The following PLCL1 variants were observed in gnomAD, a reference collection of about 807,000 sequenced individuals.
PLCL1 encodes the protein phospholipase C like 1 (inactive), also known as inactive phospholipase C-like protein 1.
In PLCL1, 41 loss-of-function variants were observed where a neutral mutation model predicts 84.4. The observed-to-expected ratio is 0.49, with a 90% confidence interval of 0.38 to 0.63. The LOEUF is 0.63. Among genes scored for constraint, PLCL1 ranks in the 30% least tolerant of loss-of-function variants. PLCL1 has a pLI of 0.00. For missense variants in PLCL1, 1,206 were observed against 1,367.8 expected (o/e 0.88, Z 1.87); for synonymous variants, 490 against 488.3 (o/e 1.00, Z -0.05).
rs1039497494 is a variant in PLCL1, at chr2:198,081,010, T to A, written c.241-2748T>A. Among the ~76,000 whole-genome samples, 7 of 152,322 alleles carry A rather than the reference T, an allele frequency of 4.6e-5. 1 individual carries two copies. In the East Asian group the frequency reaches 1.3e-3, roughly 29 times the overall value. On this transcript the variant is annotated intron_variant, in intron 1 of 5. Transcript: ENST00000428675. ...GGAGATATGGCAGAGAAGAGCCTTG[T>A]AAGAGAAAGCTATTCTGACATGAGT...
chr2:198,103,957 T>A, intron 5 of PLCL1, 21 bp downstream of exon 5: 2 of 1,225,842 alleles, frequency 1.6e-6, no homozygotes, highest in South Asian at 1.3e-5. Flanking sequence ...CACTCAGATG[T>A]CCCCTGTGCC....
intron 1 of PLCL1, among the ~76,000 whole-genome samples, chr2:198,010,179 C>G (rs1422109107): frequency 6.6e-6 from 1 of 151,928 alleles, no homozygotes; most frequent in Non-Finnish European, 1.5e-5. Context: ...TCTAATTGCT[C>G]TGGTAAGAAC....
intron 1 of PLCL1, among the ~76,000 whole-genome samples, chr2:197,885,664 C>T (rs1374455940): frequency 1.3e-5 from 2 of 152,234 alleles, no homozygotes; most frequent in Non-Finnish European, 2.9e-5. Flanking sequence ...TCAGCTCAAA[C>T]ATTTTTCCCT....
intron 1 of PLCL1, among the ~76,000 whole-genome samples, chr2:198,066,360 C>G (rs965194570): frequency 4.6e-5 from 7 of 152,146 alleles, no homozygotes; most frequent in Admixed American, 2.6e-4. Flanking sequence ...ATAGACTTCT[C>G]TGTTTCTACA....
At chr2:197,978,108 C>T (rs189248408) in intron 1 of PLCL1, among the ~76,000 whole-genome samples, 10 of 152,282 alleles carry the variant, frequency 6.6e-5, no homozygotes, top group South Asian at 4.1e-4. Flanking sequence ...AGAGTAAATC[C>T]GCACTTTGTT....
rs764824982 is a variant in PLCL1, at chr2:198,146,827, C to T, written c.3153C>T (p.Asn1051=). 12 of 1,613,274 alleles carry T rather than the reference C, an allele frequency of 7.4e-6. No homozygotes were observed. Among genetic ancestry groups the T allele is most frequent in the African/African-American group, 1.3e-5 (1 of 74,868 alleles). The change falls in exon 6 of 6, where the codon AAC becomes AAT. Residue 1051 remains asparagine (N), a synonymous_variant. Transcript: ENST00000428675. ...ATGCCAAGAATGAAGCTATAGAAAACATGAAGCAGATCCAGCTGGCATGCC... is the reference window on the plus strand; with the variant it reads ...ATGCCAAGAATGAAGCTATAGAAAATATGAAGCAGATCCAGCTGGCATGCC... ...LKNAKNEAIE[N]MKQIQLACLS...
intron 1 of PLCL1, among the ~76,000 whole-genome samples, chr2:197,956,699 G>T (rs1025560948): frequency 6.6e-6 from 1 of 151,924 alleles, no homozygotes; most frequent in African/African-American, 2.4e-5. Context: ...TCATATGTTT[G>T]TTGGCCATAT....
chr2:198,054,033 C>T (rs902083617), intron 1 of PLCL1, among the ~76,000 whole-genome samples: 6 of 152,054 alleles, frequency 3.9e-5, no homozygotes, highest in African/African-American at 1.4e-4. Context: ...ACACTTATGT[C>T]AGATAAAAAT....
At chr2:197,992,948 T>A (rs1449960442) in intron 1 of PLCL1, among the ~76,000 whole-genome samples, 1 of 152,246 alleles carries the variant, frequency 6.6e-6, no homozygotes, top group Non-Finnish European at 1.5e-5. Flanking sequence ...TTTTAGCTGT[T>A]ACTAATAATG....
At chr2:197,821,671 C>T (rs927914029) in intron 1 of PLCL1, among the ~76,000 whole-genome samples, 1 of 152,134 alleles carries the variant, frequency 6.6e-6, no homozygotes, top group African/African-American at 2.4e-5. Context: ...ATAAGTTTCA[C>T]ATGCCACTTC....
chr2:197,864,104 G>T (rs1268679097), intron 1 of PLCL1, among the ~76,000 whole-genome samples: 1 of 152,136 alleles, frequency 6.6e-6, no homozygotes, highest in Non-Finnish European at 1.5e-5. Flanking sequence ...AATAGATCAT[G>T]CCAGGTAAAC....
At chr2:198,060,717 T>G (rs1692175950) in intron 1 of PLCL1, among the ~76,000 whole-genome samples, 1 of 152,236 alleles carries the variant, frequency 6.6e-6, no homozygotes, top group African/African-American at 2.4e-5. Flanking sequence ...TGAAAATAAT[T>G]AGGTTCAATT....
intron 3 of PLCL1, among the ~76,000 whole-genome samples, chr2:198,090,899 C>T (rs562938839): frequency 6.6e-6 from 1 of 152,270 alleles, no homozygotes; most frequent in South Asian, 2.1e-4. Context: ...ATTTCACACC[C>T]CCGAGTGTCT....
At chr2:197,895,546 A>G (rs1474281891) in intron 1 of PLCL1, among the ~76,000 whole-genome samples, 4 of 151,994 alleles carry the variant, frequency 2.6e-5, no homozygotes, top group African/African-American at 9.7e-5. Context: ...ATATAAGTAT[A>G]TACTACTATC....
rs117324585 is a variant in PLCL1, at chr2:197,945,833, T to C, written c.241-137925T>C. Among the ~76,000 whole-genome samples the C allele has an allele frequency of 1.2e-4, 19 of 152,312 alleles. No homozygotes were observed. The East Asian group carries it at 3.5e-3, about 28-fold the overall frequency. Reference sequence around the variant, plus strand: ...TGTTATAGAACAAGTGATGACCAAATTGGCATTGGTTAACACCTGTCCAGT... The same window carrying C: ...TGTTATAGAACAAGTGATGACCAAACTGGCATTGGTTAACACCTGTCCAGT... On this transcript the variant is annotated intron_variant, in intron 1 of 5. Coordinates refer to ENST00000428675, the MANE Select transcript of PLCL1 (RefSeq NM_006226.4).
chr2:198,042,329 T>C (rs1043099728), intron 1 of PLCL1, among the ~76,000 whole-genome samples: 1 of 152,218 alleles, frequency 6.6e-6, no homozygotes, highest in Non-Finnish European at 1.5e-5. Flanking sequence ...CCTCTGTTTA[T>C]GTAAAACAGT....
At chr2:198,137,129 C>G (rs1226976020) in intron 5 of PLCL1, among the ~76,000 whole-genome samples, 1 of 151,612 alleles carries the variant, frequency 6.6e-6, no homozygotes, top group East Asian at 1.9e-4. Flanking sequence ...TGTAATGTAC[C>G]TAAATTAAAT....
chr2:197,949,771 A>C (rs1257389405), intron 1 of PLCL1, among the ~76,000 whole-genome samples: 4 of 152,210 alleles, frequency 2.6e-5, no homozygotes, highest in Non-Finnish European at 5.9e-5. Flanking sequence ...TTCAATGTTC[A>C]GTTGGAAATT....
At chr2:197,895,178 A>G (rs1688110355) in intron 1 of PLCL1, among the ~76,000 whole-genome samples, 1 of 151,990 alleles carries the variant, frequency 6.6e-6, no homozygotes, top group Non-Finnish European at 1.5e-5. Flanking sequence ...TGGAGAGAGC[A>G]TACTCTCTAC....
Sources: gnomAD v4.1 joint callset for allele counts (sites outside exome capture counted in the v4.1 genomes callset) on GRCh38, gnomAD v4.1.1 for gene constraint, MANE v1.5 for transcripts, NCBI Gene and HGNC (gene_info 2026-07-23, HGNC 2026-07-21) for gene names.